GABRR2: variants seen among roughly 807,000 people sequenced by gnomAD.
GABRR2 encodes gamma-aminobutyric acid receptor subunit rho-2.
Under a neutral mutation model 47.0 loss-of-function variants are expected in GABRR2, and 36 were observed. The observed-to-expected ratio is 0.77, with a 90% CI of 0.59 to 1.01. The LOEUF is 1.01. GABRR2 is among the 50% of genes least tolerant of loss of function. GABRR2 has a pLI of 0.00. For synonymous variants in GABRR2, 204 were observed against 227.5 expected (o/e 0.90, Z 0.93); for missense variants, 587 against 594.6 (o/e 0.99, Z 0.13).
intron 2 of GABRR2, among the ~76,000 whole-genome samples, chr6:89,282,828 C>G (rs1482425633): frequency 1.3e-5 from 2 of 152,248 alleles, no homozygotes; most frequent in East Asian, 1.9e-4. Context: ...ACCAGTCTCC[C>G]CCTTCCAGAT....
rs1343774884 is a variant in GABRR2 at position 89,256,348 on chromosome 6, T to C, written c.*1322A>G. Among the ~76,000 whole-genome samples, 1 of 152,048 alleles carries C rather than the reference T, an allele frequency of 6.6e-6. No individual in the cohort carries two copies. Among genetic ancestry groups the C allele is most frequent in the African/African-American group, 2.4e-5 (1 of 41,382 alleles). On this transcript the variant is annotated 3_prime_UTR_variant, in exon 9 of 9. Transcript: ENST00000402938. ...ATAGATATTTGTGTGGTATTTCCTTTACTAGTTCCTTCTCTGAGAGCTTCG... is the reference window on the plus strand; with the variant it reads ...ATAGATATTTGTGTGGTATTTCCTTCACTAGTTCCTTCTCTGAGAGCTTCG...
At chr6:89,295,682 T>G (rs1455092513) in intron 2 of GABRR2, among the ~76,000 whole-genome samples, 1 of 152,118 alleles carries the variant, frequency 6.6e-6, no homozygotes, top group Non-Finnish European at 1.5e-5. Flanking sequence ...TTTTGGTGTT[T>G]TAGACATGAA....
chr6:89,292,905 T>G (rs2127844974), intron 2 of GABRR2, among the ~76,000 whole-genome samples: 1 of 149,214 alleles, frequency 6.7e-6, no homozygotes, highest in Non-Finnish European at 1.5e-5. Context: ...GCTATATATA[T>G]ATATATGCTC....
intron 2 of GABRR2, among the ~76,000 whole-genome samples, chr6:89,280,804 A>G (rs1444583945): frequency 6.6e-6 from 1 of 152,230 alleles, no homozygotes; most frequent in East Asian, 1.9e-4. Flanking sequence ...GATTTTTAAA[A>G]AACTATTTCT....
rs35897455 is a variant in GABRR2, at chr6:89,297,541, TA to T, written c.220+2217del. On this transcript the variant is annotated intron_variant, in intron 2 of 8. Coordinates refer to ENST00000402938, the MANE Select transcript of GABRR2 (RefSeq NM_002043.5). Reference sequence around the variant, plus strand: ...ACCTTGATTAGAATGGTGCCTGGCATAAAAAAAAATCCCTATGAAAGTGGTA... The same window carrying T: ...ACCTTGATTAGAATGGTGCCTGGCATAAAAAAAATCCCTATGAAAGTGGTA... 9.7e-3 allele frequency among the ~76,000 whole-genome samples: 1,471 copies of T among 151,572 alleles called. 19 individuals are homozygous for T. Among genetic ancestry groups the T allele is most frequent in the African/African-American group, 0.027 (1,116 of 41,344 alleles).
At chr6:89,268,539 CAAGT>C (rs564699790) in intron 4 of GABRR2, among the ~76,000 whole-genome samples, 165 of 151,596 alleles carry the variant, frequency 1.1e-3, no homozygotes, top group Non-Finnish European at 1.9e-3. Context: ...TCATCAGTGA[CAAGT>C]AAGAAAAAAG....
At chr6:89,261,570 A>G (rs981443720) in intron 8 of GABRR2, among the ~76,000 whole-genome samples, 2 of 152,196 alleles carry the variant, frequency 1.3e-5, no homozygotes, top group Admixed American at 6.5e-5. Context: ...GTAAGACAGA[A>G]CAGATTCTTT....
intron 2 of GABRR2, among the ~76,000 whole-genome samples, chr6:89,299,108 T>C (rs1774604476): frequency 6.6e-6 from 1 of 152,220 alleles, no homozygotes; most frequent in Admixed American, 6.5e-5. Context: ...ACCTTCTCCA[T>C]AGCATTTCTC....
intron 4 of GABRR2, among the ~76,000 whole-genome samples, chr6:89,268,658 G>GC (rs951908107): frequency 3.0e-4 from 7 of 23,568 alleles, no homozygotes; most frequent in East Asian, 7.5e-4. Context: ...TTGGGGGACG[G>GC]GGGGGGGCTT....
At chr6:89,313,989 GT>G (rs1380626419) in intron 1 of GABRR2, among the ~76,000 whole-genome samples, 3 of 149,014 alleles carry the variant, frequency 2.0e-5, no homozygotes, top group African/African-American at 7.4e-5. Flanking sequence ...GATACTGGAA[GT>G]AGAGGCTGTA....
chr6:89,264,661 A>C, intron 7 of GABRR2, 53 bp from the exon 8 acceptor site: 1 of 1,590,848 alleles, frequency 6.3e-7, no homozygotes, highest in South Asian at 1.1e-5. Context: ...AACTGCCCTC[A>C]TATCTCACTA....
At chr6:89,260,181 A>C (rs1264633350) in intron 8 of GABRR2, among the ~76,000 whole-genome samples, 1 of 152,198 alleles carries the variant, frequency 6.6e-6, no homozygotes, top group Non-Finnish European at 1.5e-5. Context: ...TGCTGGGATT[A>C]GAGGCATGCA....
Position 89,304,597 on chromosome 6 carries a change from GA to G in GABRR2, c.114-4733del, listed in dbSNP as rs1227062781. ...GAGTGAGACTCCATCTCAAAAAAAA[GA>G]AAAAAAAAAAAAGAAAAAAAGTGGG... On this transcript the variant is annotated intron_variant, in intron 1 of 8. Transcript: ENST00000402938. Among the ~76,000 whole-genome samples the G allele has an allele frequency of 2.8e-3, 268 of 94,558 alleles. 2 individuals are homozygous for G. Among genetic ancestry groups the G allele is most frequent in the African/African-American group, 6.5e-3 (165 of 25,278 alleles). 62.0% of individuals were successfully genotyped at this position (94,558 alleles called of 152,430 possible). A position where few individuals can be genotyped will look rare whatever the true frequency, so the allele number is the denominator to read the frequency against.
intron 2 of GABRR2, among the ~76,000 whole-genome samples, chr6:89,291,878 G>A (rs1371899667): frequency 6.6e-6 from 1 of 152,172 alleles, no homozygotes; most frequent in Admixed American, 6.5e-5. Context: ...CTCTTCCCCA[G>A]GGCAGCCCTT....
At chr6:89,294,622 G>A (rs942912651) in intron 2 of GABRR2, among the ~76,000 whole-genome samples, 1 of 151,918 alleles carries the variant, frequency 6.6e-6, no homozygotes, top group African/African-American at 2.4e-5. Context: ...CGGCACTTTG[G>A]GTGGGTTGGG....
intron 8 of GABRR2, 122 bp downstream of exon 8, chr6:89,264,290 C>T: frequency 8.5e-7 from 1 of 1,183,114 alleles, no homozygotes; most frequent in East Asian, 2.6e-5. Context: ...CAAGATCCTC[C>T]TCGTTTTGCA....
At chr6:89,288,846 C>T (rs982947664) in intron 2 of GABRR2, among the ~76,000 whole-genome samples, 2 of 152,172 alleles carry the variant, frequency 1.3e-5, no homozygotes, top group African/African-American at 4.8e-5. Flanking sequence ...CCAGGTCTCA[C>T]TGTGTTGCCC....
chr6:89,272,142 T>C (rs923068154), intron 2 of GABRR2, among the ~76,000 whole-genome samples: 1 of 152,232 alleles, frequency 6.6e-6, no homozygotes, highest in African/African-American at 2.4e-5. Context: ...GGCACCTGCA[T>C]GCCCTGGTCT....
chr6:89,270,138 C>T lies in GABRR2; in HGVS notation c.289-904G>A, dbSNP rs1005197964. The stretch of plus-strand genomic sequence containing the variant: ...GTGCATCAGCAGCTGCCAGGAACTC[C>T]CCCTCCACACACACGGAGAGCAGCC... On this transcript the variant is annotated intron_variant, in intron 3 of 8. Coordinates refer to ENST00000402938, the MANE Select transcript of GABRR2 (RefSeq NM_002043.5). 5.9e-5 allele frequency among the ~76,000 whole-genome samples: 9 copies of T among 152,308 alleles called. No individual in the cohort carries two copies. In the South Asian group the frequency reaches 1.2e-3, roughly 21 times the overall value.
Sources: gnomAD v4.1 joint callset for allele counts (sites outside exome capture counted in the v4.1 genomes callset) on GRCh38, gnomAD v4.1.1 for gene constraint, MANE v1.5 for transcripts, NCBI Gene and HGNC (gene_info 2026-07-23, HGNC 2026-07-21) for gene names.